Variants in OPCML observed in about 807,000 individuals in gnomAD.
OPCML encodes the protein opioid-binding protein/cell adhesion molecule.
Under a neutral mutation model 37.8 loss-of-function variants are expected in OPCML, and 13 were observed. The ratio of observed to expected loss-of-function variants is 0.34; its 90% CI spans 0.22 to 0.55. OPCML has a LOEUF of 0.55. Among genes scored for constraint, OPCML ranks in the 20% least tolerant of loss-of-function variants. The pLI, the probability that OPCML is intolerant of heterozygous loss-of-function variation, is 0.91. For missense variants in OPCML, 341 were observed against 435.6 expected (o/e 0.78, Z 1.93); for synonymous variants, 176 against 168.8 (o/e 1.04, Z -0.33).
intron 2 of OPCML, among the ~76,000 whole-genome samples, chr11:132,799,485 C>T (rs1938521132): frequency 6.6e-6 from 1 of 152,110 alleles, no homozygotes; most frequent in African/African-American, 2.4e-5. Context: ...TCAGAGCACA[C>T]ACACTATTTA....
chr11:133,118,867 C>A (rs1235548538), intron 1 of OPCML, among the ~76,000 whole-genome samples: 1 of 152,160 alleles, frequency 6.6e-6, no homozygotes, highest in Non-Finnish European at 1.5e-5. Context: ...CACACATGGA[C>A]GTGATCCAGT....
Position 133,315,974 on chromosome 11 carries a change from C to T in OPCML, c.61+216290G>A, listed in dbSNP as rs540165126. On this transcript the variant is annotated intron_variant, in intron 1 of 7. Coordinates refer to ENST00000524381, the MANE Select transcript of OPCML (RefSeq NM_001012393.5). ...AGCAAGAACAACACATTTGAGATTT[C>T]TTGCCTCTGTTGAGCCCTCATTGAA... Among the ~76,000 whole-genome samples the T allele has an allele frequency of 2.1e-4, 32 of 152,312 alleles. No homozygotes were observed. In the South Asian group the frequency reaches 5.6e-3, roughly 27 times the overall value.
intron 1 of OPCML, among the ~76,000 whole-genome samples, chr11:133,037,950 T>C (rs1425975463): frequency 4.6e-5 from 7 of 152,228 alleles, no homozygotes; most frequent in Admixed American, 4.6e-4. Flanking sequence ...AGGGTCCCCT[T>C]GGACTCAGTG....
At chr11:132,752,226 T>C (rs1269732969) in intron 2 of OPCML, among the ~76,000 whole-genome samples, 1 of 151,796 alleles carries the variant, frequency 6.6e-6, no homozygotes, top group Admixed American at 6.6e-5. Context: ...TTGAAGTTTG[T>C]TGCCACTTCA....
chr11:133,245,476 G>A (rs1275715903), intron 1 of OPCML, among the ~76,000 whole-genome samples: 8 of 152,268 alleles, frequency 5.3e-5, no homozygotes, highest in African/African-American at 1.7e-4. Flanking sequence ...TGCTTTTGCC[G>A]TTGTTGTAGA....
intron 1 of OPCML, among the ~76,000 whole-genome samples, chr11:133,378,324 C>A (rs1291118959): frequency 6.6e-6 from 1 of 152,156 alleles, no homozygotes; most frequent in Non-Finnish European, 1.5e-5. Context: ...AGTGAAATTA[C>A]CACCCTCTTT....
At chr11:132,457,483 T>C (rs758127210) in intron 4 of OPCML, among the ~76,000 whole-genome samples, 4 of 152,232 alleles carry the variant, frequency 2.6e-5, no homozygotes, top group Non-Finnish European at 5.9e-5. Context: ...GCACTGATTA[T>C]GGATGCTCCG....
At chr11:132,479,165 T>A (rs559667838) in intron 4 of OPCML, among the ~76,000 whole-genome samples, 23 of 151,862 alleles carry the variant, frequency 1.5e-4, no homozygotes, top group African/African-American at 5.3e-4. Context: ...TGGGCTCAGG[T>A]CAGTGGGTGC....
At chr11:133,269,882 A>T (rs1592154662) in intron 1 of OPCML, among the ~76,000 whole-genome samples, 1 of 152,220 alleles carries the variant, frequency 6.6e-6, no homozygotes, top group Admixed American at 6.5e-5. Flanking sequence ...AAAGATCTTC[A>T]TGATAATGAA....
At chr11:133,478,026 T>A (rs1947282613) in intron 1 of OPCML, among the ~76,000 whole-genome samples, 1 of 152,206 alleles carries the variant, frequency 6.6e-6, no homozygotes, top group African/African-American at 2.4e-5. Flanking sequence ...AGAAAGCCAA[T>A]TTGGCTGCTG....
chr11:133,323,085 T>C (rs945329539), intron 1 of OPCML, among the ~76,000 whole-genome samples: 12 of 152,310 alleles, frequency 7.9e-5, no homozygotes, highest in African/African-American at 2.9e-4. Flanking sequence ...CACCAGCACG[T>C]TGACCACCAC....
chr11:133,504,333 TAG>T (rs1947982639), intron 1 of OPCML, among the ~76,000 whole-genome samples: 1 of 152,192 alleles, frequency 6.6e-6, no homozygotes, highest in Non-Finnish European at 1.5e-5. Context: ...GAATTTGAGA[TAG>T]AGACTGGATG....
chr11:132,752,044 A>G (rs1223510958), intron 2 of OPCML, among the ~76,000 whole-genome samples: 1 of 152,174 alleles, frequency 6.6e-6, no homozygotes, highest in Non-Finnish European at 1.5e-5. Flanking sequence ...CTACAGAACA[A>G]TGCTTCTCTA....
At chr11:132,808,237 T>C (rs1167823891) in intron 2 of OPCML, among the ~76,000 whole-genome samples, 3 of 152,206 alleles carry the variant, frequency 2.0e-5, no homozygotes, top group African/African-American at 7.2e-5. Flanking sequence ...GTAATAAAGC[T>C]CCGACTGCGG....
chr11:132,693,450 C>G (rs1221474367), intron 2 of OPCML, among the ~76,000 whole-genome samples: 1 of 152,170 alleles, frequency 6.6e-6, no homozygotes, highest in Admixed American at 6.5e-5. Context: ...CAAACAACCC[C>G]TTGATTTCAT....
chr11:132,545,127 T>G (rs1029159643), intron 3 of OPCML, among the ~76,000 whole-genome samples: 1 of 152,192 alleles, frequency 6.6e-6, no homozygotes. Context: ...CAATTGCTTG[T>G]TTTAATTTCA....
At chr11:133,424,463 T>A (rs1158156836) in intron 1 of OPCML, among the ~76,000 whole-genome samples, 1 of 152,182 alleles carries the variant, frequency 6.6e-6, no homozygotes, top group Admixed American at 6.5e-5. Flanking sequence ...CAGGCATAGG[T>A]ACTATAATTT....
chr11:132,603,004 C>T (rs1168996872), intron 3 of OPCML, among the ~76,000 whole-genome samples: 1 of 152,170 alleles, frequency 6.6e-6, no homozygotes, highest in African/African-American at 2.4e-5. Flanking sequence ...GATCAGTGTC[C>T]TCTCCTTCTT....
chr11:132,450,587 T>G (rs1265715309), intron 4 of OPCML, among the ~76,000 whole-genome samples: 6 of 152,072 alleles, frequency 3.9e-5, no homozygotes, highest in Non-Finnish European at 4.4e-5. Flanking sequence ...AGAGGGTTTT[T>G]TTTTTTCAAT....
Sources: allele counts gnomAD v4.1 joint callset (sites outside exome capture counted in the v4.1 genomes callset), GRCh38; gene constraint gnomAD v4.1.1; transcripts MANE v1.5; gene names NCBI Gene and HGNC (gene_info 2026-07-23, HGNC 2026-07-21).